The following ETV6 variants were observed in gnomAD, a reference collection of about 807,000 sequenced individuals.
The protein encoded by ETV6 is ETS variant transcription factor 6.
ETV6 carries 16 observed loss-of-function variants against 51.1 expected under a neutral mutation model. That is an observed-to-expected ratio of 0.31 (90% CI 0.21 to 0.48). The LOEUF is 0.48. ETV6 is among the 20% of genes least tolerant of loss of function. ETV6 has a pLI of 0.99. For missense variants in ETV6, 458 were observed against 594.8 expected, an observed-to-expected ratio of 0.77 and a Z score of 2.39; for synonymous variants, 240 against 224.1, an observed-to-expected ratio of 1.07 and a Z score of -0.64.
chr12:11,789,806 T>C (rs1374748449), intron 2 of ETV6, among the ~76,000 whole-genome samples: 1 of 152,204 alleles, frequency 6.6e-6, no homozygotes, highest in African/African-American at 2.4e-5. Context: ...CGATCTTTAA[T>C]CTTTTGCATA....
rs556996192 is a variant in ETV6, at chr12:11,731,377, A to C, written c.34-21073A>C. On this transcript the variant is annotated intron_variant, in intron 1 of 7. Transcript: ENST00000396373. ...TCCCTGATCAGATGGTTTTCTACGT[A>C]CTCAAAATTTCATGTAGTAAGAATG... Among the ~76,000 whole-genome samples, 54 of 152,258 alleles carry C rather than the reference A, an allele frequency of 3.5e-4. 3 individuals carry two copies. In the South Asian group the frequency reaches 0.011, roughly 30 times the overall value.
chr12:11,776,967 A>G (rs1052969958), intron 2 of ETV6, among the ~76,000 whole-genome samples: 64 of 152,308 alleles, frequency 4.2e-4, no homozygotes, highest in South Asian at 1.2e-3. Flanking sequence ...GGCCGGGCGC[A>G]GTGGCTCACG....
chr12:11,880,154 ACT>A (rs1368307746), intron 5 of ETV6, among the ~76,000 whole-genome samples: 55 of 152,232 alleles, frequency 3.6e-4, no homozygotes, highest in African/African-American at 1.3e-3. Context: ...AGCCACTTAT[ACT>A]CTGAGCTTGA....
intron 2 of ETV6, among the ~76,000 whole-genome samples, chr12:11,769,600 A>C (rs1222441023): frequency 1.3e-5 from 2 of 152,220 alleles, no homozygotes. Flanking sequence ...TTAATCTTTC[A>C]CTTTAATCTT....
intron 4 of ETV6, among the ~76,000 whole-genome samples, chr12:11,863,890 TCTCA>T (rs1274374334): frequency 6.6e-6 from 1 of 152,222 alleles, no homozygotes; most frequent in Non-Finnish European, 1.5e-5. Context: ...ATTGCAGGCC[TCTCA>T]GCCTTGACAG....
intron 1 of ETV6, among the ~76,000 whole-genome samples, chr12:11,686,084 A>C (rs1204519431): frequency 3.3e-5 from 5 of 152,216 alleles, no homozygotes; most frequent in African/African-American, 1.2e-4. Context: ...AATCCAGAAA[A>C]TTCTATCACT....
chr12:11,728,148 T>C (rs988289979), intron 1 of ETV6, among the ~76,000 whole-genome samples: 2 of 152,222 alleles, frequency 1.3e-5, no homozygotes, highest in Non-Finnish European at 2.9e-5. Flanking sequence ...TTGAGGCCTG[T>C]GCTTCAGTTC....
In ETV6 at chr12:11,760,346, C is replaced by T. The variant is rs539303730; in HGVS notation, c.163+7767C>T. Among the ~76,000 whole-genome samples, 14 of 152,172 alleles carry T rather than the reference C, an allele frequency of 9.2e-5. No individual in the cohort carries two copies. The East Asian group carries it at 2.3e-3, about 25-fold the overall frequency. On this transcript the variant is annotated intron_variant, in intron 2 of 7. Coordinates refer to ENST00000396373, the MANE Select transcript of ETV6 (RefSeq NM_001987.5). ...GTAATAGAAATGCAGATGATGGGTA[C>T]GGATAATGGATAAAGAACTGTAGAT...
rs551754507 is a variant in ETV6, at chr12:11,759,399, T to C, written c.163+6820T>C. Reference sequence around the variant, plus strand: ...AGTTCTGAAGTAGACATTTGGAAACTGTTGACAATGGGTTGTCCCTACCTG... The same window carrying C: ...AGTTCTGAAGTAGACATTTGGAAACCGTTGACAATGGGTTGTCCCTACCTG... On this transcript the variant is annotated intron_variant, in intron 2 of 7. Transcript: ENST00000396373. Among the ~76,000 whole-genome samples the C allele has an allele frequency of 2.0e-5, 3 of 152,280 alleles. No individual in the cohort carries two copies. In the South Asian group the frequency reaches 6.2e-4, roughly 32 times the overall value.
At chr12:11,839,359 G>C in intron 3 of ETV6, 55 bp downstream of exon 3, 4 of 1,560,940 alleles carry the variant, frequency 2.6e-6, no homozygotes, top group Non-Finnish European at 3.5e-6. Context: ...TTAGTTAGTG[G>C]TTGGTCTTTA....
At chr12:11,668,395 G>GT (rs141115081) in intron 1 of ETV6, among the ~76,000 whole-genome samples, 9,547 of 147,054 alleles carry the variant, frequency 0.065, 1,024 homozygotes, top group African/African-American at 0.23. Context: ...ACTTCGCACT[G>GT]TTTTGTTTTT....
intron 5 of ETV6, among the ~76,000 whole-genome samples, chr12:11,877,743 G>A (rs539748500): frequency 4.6e-5 from 7 of 152,224 alleles, no homozygotes; most frequent in Middle Eastern, 3.4e-3. Context: ...ATTGGAATCC[G>A]GTTCTTGACT....
At chr12:11,844,836 TTTC>T (rs1946437963) in intron 3 of ETV6, among the ~76,000 whole-genome samples, 7 of 151,772 alleles carry the variant, frequency 4.6e-5, no homozygotes, top group Admixed American at 4.6e-4. Flanking sequence ...TTTTATTTCT[TTTC>T]TTTTTTTTTT....
chr12:11,800,153 A>C (rs1945726267), intron 2 of ETV6, among the ~76,000 whole-genome samples: 1 of 152,158 alleles, frequency 6.6e-6, no homozygotes, highest in East Asian at 1.9e-4. Context: ...GTGGACATCT[A>C]AGGACTGAAA....
At chr12:11,747,128 G>GAGA (rs1865923655) in intron 1 of ETV6, among the ~76,000 whole-genome samples, 1 of 152,140 alleles carries the variant, frequency 6.6e-6, no homozygotes, top group Non-Finnish European at 1.5e-5. Flanking sequence ...TGGGCCATCT[G>GAGA]GGTAACCTAG....
At chr12:11,848,368 C>A (rs559200361) in intron 3 of ETV6, among the ~76,000 whole-genome samples, 4 of 152,326 alleles carry the variant, frequency 2.6e-5, no homozygotes, top group Non-Finnish European at 5.9e-5. Flanking sequence ...AGCCCAAATT[C>A]TTTCCTCTAA....
intron 2 of ETV6, among the ~76,000 whole-genome samples, chr12:11,769,325 A>T (rs889008549): frequency 3.9e-5 from 6 of 152,030 alleles, no homozygotes; most frequent in Admixed American, 3.9e-4. Context: ...TGTTAATCTC[A>T]TTTTTCTTCC....
intron 1 of ETV6, among the ~76,000 whole-genome samples, chr12:11,655,556 G>T (rs1396727664): frequency 6.6e-6 from 1 of 152,180 alleles, no homozygotes; most frequent in Non-Finnish European, 1.5e-5. Context: ...GCTTACTGGG[G>T]CATCTCAGGG....
intron 2 of ETV6, among the ~76,000 whole-genome samples, chr12:11,793,118 G>T (rs922890183): frequency 3.3e-5 from 5 of 151,844 alleles, no homozygotes; most frequent in Non-Finnish European, 5.9e-5. Context: ...ATACTCTAGT[G>T]TTGGAACAAT....
Sources: allele counts gnomAD v4.1 joint callset (sites outside exome capture counted in the v4.1 genomes callset), GRCh38; gene constraint gnomAD v4.1.1; transcripts MANE v1.5; gene names NCBI Gene and HGNC (gene_info 2026-07-23, HGNC 2026-07-21).